Variants in UCHL5 observed in about 807,000 individuals in gnomAD.
UCHL5 encodes ubiquitin carboxyl-terminal hydrolase isozyme L5.
A neutral mutation model predicts 53.8 loss-of-function variants in UCHL5; 34 were observed. That is an observed-to-expected ratio of 0.63 (90% CI 0.48 to 0.84). The LOEUF (loss-of-function observed/expected upper bound fraction) is 0.84, where lower values mean the gene tolerates loss of function less well. UCHL5 is among the 40% of genes least tolerant of loss of function. The pLI is 0.00. For synonymous variants in UCHL5, 111 were observed against 126.3 expected, an observed-to-expected ratio of 0.88 and a Z score of 0.81; for missense variants, 290 against 385.6, an observed-to-expected ratio of 0.75 and a Z score of 2.08.
At chr1:193,043,153 A>AAAAAAAAAAAAAAAG (rs1666197277) in intron 3 of UCHL5, among the ~76,000 whole-genome samples, 1 of 81,650 alleles carries the variant, frequency 1.2e-5, no homozygotes, top group Admixed American at 1.2e-4. Flanking sequence ...TTGAATATTA[A>AAAAAAAAAAAAAAAG]AAAAAAAAAA....
chr1:193,047,943 T>C (rs557686372), intron 3 of UCHL5, among the ~76,000 whole-genome samples: 1 of 152,180 alleles, frequency 6.6e-6, no homozygotes, highest in African/African-American at 2.4e-5. Flanking sequence ...AAAAAGTCTT[T>C]GATAAAGCAG....
chr1:193,052,065 C>A, intron 1 of UCHL5, among the ~76,000 whole-genome samples: 1 of 152,030 alleles, frequency 6.6e-6, no homozygotes. Context: ...TGTTCCTTCT[C>A]TCTCTCTCAA....
At chr1:193,041,201 T>C (rs1665446175) in intron 3 of UCHL5, among the ~76,000 whole-genome samples, 1 of 152,232 alleles carries the variant, frequency 6.6e-6, no homozygotes, top group African/African-American at 2.4e-5. Context: ...ATTATACTAA[T>C]TTGATCTTTA....
rs199503819 is a variant in UCHL5 at position 193,016,107 on chromosome 1, C to T, written c.*244G>A. ...AACCAGAAAACTAACAGTTGTCAGA[C>T]TCAATGTCAAATAATGGAATTTGGG... On this transcript the variant is annotated 3_prime_UTR_variant, in exon 11 of 11. Coordinates refer to ENST00000367454, the MANE Select transcript of UCHL5 (RefSeq NM_001199261.3). 14 of 429,734 alleles carry T rather than the reference C, an allele frequency of 3.3e-5. No individual in the cohort carries two copies. In the East Asian group the frequency reaches 5.1e-4, roughly 16 times the overall value. The allele number at this position is 429,734 out of a possible 1,614,324, so 26.6% of individuals were successfully genotyped here. A position where few individuals can be genotyped will look rare whatever the true frequency, so the allele number is the denominator to read the frequency against.
chr1:193,043,171 A>C (rs1382989059), intron 3 of UCHL5, among the ~76,000 whole-genome samples: 3 of 148,054 alleles, frequency 2.0e-5, no homozygotes, highest in Non-Finnish European at 4.5e-5. Context: ...AAAAAAAAAA[A>C]AAAAACCACC....
chr1:193,022,648 A>T (rs1657506758), intron 9 of UCHL5, among the ~76,000 whole-genome samples: 1 of 148,954 alleles, frequency 6.7e-6, no homozygotes, highest in Non-Finnish European at 1.5e-5. Flanking sequence ...CCTTGGCGAC[A>T]GAGCGAGACT....
intron 7 of UCHL5, among the ~76,000 whole-genome samples, chr1:193,024,164 G>A (rs1658234179): frequency 6.6e-6 from 1 of 151,744 alleles, no homozygotes; most frequent in African/African-American, 2.4e-5. Flanking sequence ...GATCCTTTGA[G>A]TTTAGAAGCT....
chr1:193,022,652 C>T (rs144348118), intron 9 of UCHL5, among the ~76,000 whole-genome samples: 2,658 of 116,186 alleles, frequency 0.023, 88 homozygotes, highest in African/African-American at 0.08. Flanking sequence ...GGCGACAGAG[C>T]GAGACTCTGT....
chr1:193,042,565 T>C (rs1353153777), intron 3 of UCHL5, among the ~76,000 whole-genome samples: 1 of 152,320 alleles, frequency 6.6e-6, no homozygotes, highest in Middle Eastern at 3.4e-3. Flanking sequence ...GGTAATACTT[T>C]ATCTCTAAAT....
chr1:193,017,556 C>G (rs1205581873), intron 10 of UCHL5, among the ~76,000 whole-genome samples: 1 of 151,426 alleles, frequency 6.6e-6, no homozygotes, highest in Non-Finnish European at 1.5e-5. Context: ...TTTCTGTCCT[C>G]AAATAATAAA....
chr1:193,020,246 G>T, intron 10 of UCHL5: 5 of 1,500,940 alleles, frequency 3.3e-6, no homozygotes, highest in Non-Finnish European at 4.5e-6. Context: ...ACATGAAACA[G>T]CTTGGTTGAA....
At chr1:193,049,227 C>T (rs573845400) in intron 3 of UCHL5, among the ~76,000 whole-genome samples, 1 of 152,206 alleles carries the variant, frequency 6.6e-6, no homozygotes, top group Non-Finnish European at 1.5e-5. Context: ...CCAGCCTGGC[C>T]AACATGGTGA....
chr1:193,051,959 ACT>A (rs1669190218), intron 1 of UCHL5, 142 bp from the exon 2 acceptor site: 2 of 579,658 alleles, frequency 3.5e-6, no homozygotes, highest in African/African-American at 1.9e-5. Flanking sequence ...AAATCTCATT[ACT>A]CTCTTTAATA....
At chr1:193,029,155 T>C in intron 6 of UCHL5, 24 bp downstream of exon 6, 2 of 1,600,620 alleles carry the variant, frequency 1.2e-6, no homozygotes, top group Non-Finnish European at 1.7e-6. Flanking sequence ...AAAAGTGAAA[T>C]ATCAGGAACA....
intron 3 of UCHL5, among the ~76,000 whole-genome samples, chr1:193,039,363 C>T (rs1467876609): frequency 1.3e-5 from 2 of 152,030 alleles, no homozygotes; most frequent in Non-Finnish European, 2.9e-5. Flanking sequence ...GAGCCAAGAT[C>T]GTGCCACTAC....
intron 7 of UCHL5, chr1:193,027,799 T>C (rs892630501): frequency 1.0e-5 from 8 of 780,652 alleles, no homozygotes; most frequent in African/African-American, 5.4e-5. Context: ...TTTTCTGAAA[T>C]AGACTTCTTA....
chr1:193,059,231 G>A lies in UCHL5; in HGVS notation c.30C>T (p.Leu10=). Residue 10 remains leucine (L), a synonymous_variant, in exon 1 of 11, where the codon CTC becomes CTT. Coordinates refer to ENST00000367454, the MANE Select transcript of UCHL5 (RefSeq NM_001199261.3). This position sits in a 1 kb window ranked among gnomAD's most constrained non-coding sequence, Gnocchi z 4.9. ...TGAAGACCCCGGGGTCGCTTTCCAT[G>A]AGGCACCACTCCCCGGCATTGCCCG... The part of the protein sequence containing the change: MTGNAGEWC[L]MESDPGVFTE... 6.2e-7 allele frequency: 1 copy of A among 1,614,058 alleles called. No individual in the cohort carries two copies. The highest frequency in any genetic ancestry group is 1.1e-5 in the South Asian group (1 of 91,070).
chr1:193,041,991 G>A (rs575492664), intron 3 of UCHL5, among the ~76,000 whole-genome samples: 1 of 151,984 alleles, frequency 6.6e-6, no homozygotes, highest in African/African-American at 2.4e-5. Context: ...AGGGTATGGT[G>A]GTGTGCATCT....
rs1262379678 is a variant in UCHL5, at chr1:193,013,454, A to G, written c.*2897T>C. On this transcript the variant is annotated 3_prime_UTR_variant, in exon 11 of 11. Coordinates refer to ENST00000367454, the MANE Select transcript of UCHL5 (RefSeq NM_001199261.3). ...AAAATAATATAAACTTCATAGAACT[A>G]TTTCAGACTATGGGGAGGGCAAGCA... is the stretch of plus-strand genomic sequence containing the variant. 2 of 152,198 alleles carry G rather than the reference A, an allele frequency of 1.3e-5. No individual in the cohort carries two copies. The highest frequency in any genetic ancestry group is 3.8e-4 in the East Asian group (2 of 5,202). The allele number at this position is 152,198 out of a possible 1,614,324, so 9.4% of individuals were successfully genotyped here.
Sources: gnomAD v4.1 joint callset for allele counts (sites outside exome capture counted in the v4.1 genomes callset) on GRCh38, gnomAD v4.1.1 for gene constraint, Gnocchi (gnomAD v3.1) non-coding constraint, MANE v1.5 for transcripts, NCBI Gene and HGNC (gene_info 2026-07-23, HGNC 2026-07-21) for gene names.